The following ENOX1 variants were observed in gnomAD, a reference collection of about 807,000 sequenced individuals.
ENOX1 encodes candidate growth-related and time keeping constitutive hydroquinone (NADH) oxidase.
Under a neutral mutation model 82.5 loss-of-function variants are expected in ENOX1, and 42 were observed. That is an observed-to-expected ratio of 0.51 (90% CI 0.40 to 0.66). The LOEUF (loss-of-function observed/expected upper bound fraction) is 0.66, where lower values mean the gene tolerates loss of function less well. ENOX1 is among the 30% of genes least tolerant of loss of function. The probability of loss-of-function intolerance (pLI) is 0.00; values close to 1 mark genes in which losing one functional copy is unlikely to be tolerated. For missense variants in ENOX1, 608 were observed against 811.6 expected, an observed-to-expected ratio of 0.75 and a Z score of 3.05; for synonymous variants, 271 against 282.2, an observed-to-expected ratio of 0.96 and a Z score of 0.40.
chr13:43,567,957 G>A (rs998670785), intron 2 of ENOX1, among the ~76,000 whole-genome samples: 5 of 152,158 alleles, frequency 3.3e-5, no homozygotes, highest in Non-Finnish European at 7.3e-5. Context: ...TGAGACTACA[G>A]CTTGTTTGGG....
intron 3 of ENOX1, among the ~76,000 whole-genome samples, chr13:43,462,535 G>C (rs751587105): frequency 1.3e-5 from 2 of 152,238 alleles, no homozygotes; most frequent in Non-Finnish European, 2.9e-5. Flanking sequence ...AAACATAATA[G>C]GCTTAATCAG....
chr13:43,391,639 A>G (rs1012621934), intron 5 of ENOX1, among the ~76,000 whole-genome samples: 3 of 152,050 alleles, frequency 2.0e-5, no homozygotes, highest in Non-Finnish European at 4.4e-5. Context: ...CTCCCCTGTC[A>G]TCTAATCCAT....
Position 43,355,952 on chromosome 13 carries a change from G to T in ENOX1, c.790C>A (p.His264Asn). The T allele has an allele frequency of 6.2e-7, 1 of 1,613,946 alleles. No homozygotes were observed. Among genetic ancestry groups the T allele is most frequent in the South Asian group, 1.1e-5 (1 of 91,058 alleles). ...TTTTCAGCCAGCAGAGCGGCTTCGT[G>T]CTCCGAGTAGTGCATTATGGCAGGC... The part of the protein sequence containing the change: ...SPPAIMHYSE[H>N]EAALLAEKLK... Residue 264 changes from histidine (H) to asparagine (N), a missense_variant, in exon 8 of 17, where the codon CAC becomes AAC. By Grantham distance (68) the His-to-Asn change is moderately conservative (BLOSUM62 1). Coordinates refer to ENST00000690772, the MANE Select transcript of ENOX1 (RefSeq NM_001347969.2).
chr13:43,493,125 T>C (rs995119595), intron 2 of ENOX1, among the ~76,000 whole-genome samples: 3 of 152,022 alleles, frequency 2.0e-5, no homozygotes, highest in African/African-American at 7.2e-5. Context: ...TAAAATATCT[T>C]AAGATTCTCT....
At chr13:43,559,116 A>T (rs944874865) in intron 2 of ENOX1, among the ~76,000 whole-genome samples, 3 of 152,206 alleles carry the variant, frequency 2.0e-5, no homozygotes, top group Admixed American at 6.5e-5. Context: ...TGGCAAACTC[A>T]TACACATCTG....
chr13:43,339,733 C>T (rs958175791), intron 9 of ENOX1, among the ~76,000 whole-genome samples: 4 of 152,160 alleles, frequency 2.6e-5, no homozygotes, highest in Non-Finnish European at 5.9e-5. Flanking sequence ...GCAGTTGGGG[C>T]TGCTATGGAA....
In ENOX1 at chr13:43,539,545, T is replaced by C. The variant is rs919849321; in HGVS notation, c.-218-55393A>G. Among the ~76,000 whole-genome samples the C allele has an allele frequency of 3.3e-5, 5 of 152,332 alleles. No homozygotes were observed. The East Asian group carries it at 9.6e-4, about 29-fold the overall frequency. ...AGCTTAAATAAATTATGATCAACTT[T>C]TAATTATTTATAAGTTTTCAATCCT... On this transcript the variant is annotated intron_variant, in intron 2 of 16. Transcript: ENST00000690772.
intron 2 of ENOX1, among the ~76,000 whole-genome samples, chr13:43,534,564 G>A (rs1409334573): frequency 6.6e-6 from 1 of 152,178 alleles, no homozygotes; most frequent in Non-Finnish European, 1.5e-5. Flanking sequence ...CCTAGGCTAG[G>A]TCTTCTAGGG....
intron 5 of ENOX1, among the ~76,000 whole-genome samples, chr13:43,402,335 T>C (rs540468085): frequency 1.3e-5 from 2 of 152,330 alleles, no homozygotes; most frequent in Admixed American, 1.3e-4. Flanking sequence ...AGAAAATCTA[T>C]AGTTTAGACA....
chr13:43,357,471 CAT>C (rs1378745850), intron 7 of ENOX1, among the ~76,000 whole-genome samples: 3 of 152,142 alleles, frequency 2.0e-5, no homozygotes, highest in African/African-American at 7.2e-5. Context: ...AATGGGAAGA[CAT>C]AACAATACCA....
rs376611485 is a variant in ENOX1, at chr13:43,320,485, G to A, written c.1261+1899C>T. On this transcript the variant is annotated intron_variant, in intron 11 of 16. Transcript: ENST00000690772. ...GGTGTCGGGGGATCACATCTCCGTC[G>A]ATGCTTCTGCAGCAGAGGCCGGGCC... 5.9e-5 allele frequency among the ~76,000 whole-genome samples: 9 copies of A among 152,184 alleles called. No homozygotes were observed. The South Asian group carries it at 8.3e-4, about 14-fold the overall frequency.
chr13:43,517,134 A>G (rs944220409), intron 2 of ENOX1, among the ~76,000 whole-genome samples: 4 of 152,180 alleles, frequency 2.6e-5, no homozygotes, highest in Non-Finnish European at 4.4e-5. Flanking sequence ...TACAGACTAG[A>G]GTGTGCCTCA....
intron 3 of ENOX1, among the ~76,000 whole-genome samples, chr13:43,458,226 C>T (rs2057315068): frequency 6.6e-6 from 1 of 152,078 alleles, no homozygotes; most frequent in Admixed American, 6.6e-5. Flanking sequence ...TATTTTAAAT[C>T]CCCTGTCTTC....
At chr13:43,768,823 T>C (rs926451232) in intron 1 of ENOX1, among the ~76,000 whole-genome samples, 2 of 152,220 alleles carry the variant, frequency 1.3e-5, no homozygotes, top group Admixed American at 1.3e-4. Flanking sequence ...TTTGTCATTG[T>C]CAATCCGATT....
At chr13:43,396,706 C>A (rs1394237632) in intron 5 of ENOX1, among the ~76,000 whole-genome samples, 1 of 152,192 alleles carries the variant, frequency 6.6e-6, no homozygotes, top group Non-Finnish European at 1.5e-5. Context: ...ACAGGAGATA[C>A]TCTTCCTGTG....
intron 1 of ENOX1, among the ~76,000 whole-genome samples, chr13:43,774,031 A>T (rs17065061): frequency 0.14 from 21,883 of 152,228 alleles, 1,805 homozygotes; most frequent in East Asian, 0.32. Context: ...GAAACTTCTT[A>T]GAATCAGCTC....
At chr13:43,770,038 A>T (rs1259924044) in intron 1 of ENOX1, among the ~76,000 whole-genome samples, 2 of 152,256 alleles carry the variant, frequency 1.3e-5, no homozygotes, top group Admixed American at 6.5e-5. Flanking sequence ...GTAGAATGGT[A>T]TACATGCAAG....
At chr13:43,645,642 AC>A (rs2083864250) in intron 2 of ENOX1, among the ~76,000 whole-genome samples, 1 of 152,174 alleles carries the variant, frequency 6.6e-6, no homozygotes, top group African/African-American at 2.4e-5. Flanking sequence ...GAAGTTCTGA[AC>A]TCCATGGAAA....
intron 2 of ENOX1, among the ~76,000 whole-genome samples, chr13:43,567,502 T>C (rs1417822155): frequency 6.6e-6 from 1 of 152,114 alleles, no homozygotes; most frequent in Non-Finnish European, 1.5e-5. Flanking sequence ...AGGAACTTTG[T>C]TAAAAAAAGA....
Sources: allele counts gnomAD v4.1 joint callset (sites outside exome capture counted in the v4.1 genomes callset), GRCh38; gene constraint gnomAD v4.1.1; transcripts MANE v1.5; gene names NCBI Gene and HGNC (gene_info 2026-07-23, HGNC 2026-07-21).